CA10: variants seen among roughly 807,000 people sequenced by gnomAD.
The protein encoded by CA10 is carbonic anhydrase 10 (inactive).
Under a neutral mutation model 44.2 loss-of-function variants are expected in CA10, and 14 were observed. The observed-to-expected ratio is 0.32, with a 90% CI of 0.21 to 0.50. The LOEUF (loss-of-function observed/expected upper bound fraction) is 0.50. CA10 is among the 20% of genes least tolerant of loss of function. The pLI is 0.99. For missense variants in CA10, 350 were observed against 409.7 expected (o/e 0.85, Z 1.26); for synonymous variants, 159 against 141.6 (o/e 1.12, Z -0.87).
chr17:51,881,785 G>T (rs1245171324), intron 3 of CA10, among the ~76,000 whole-genome samples: 1 of 152,160 alleles, frequency 6.6e-6, no homozygotes, highest in Admixed American at 6.5e-5. Context: ...AAGCTGTGTG[G>T]GAGGTGGGTA....
chr17:51,920,373 G>A (rs939510612), intron 3 of CA10, among the ~76,000 whole-genome samples: 1 of 151,992 alleles, frequency 6.6e-6, no homozygotes. Flanking sequence ...GAAAGGGAGG[G>A]AGGAGGTTGG....
chr17:51,714,855 G>A (rs1916048811), intron 4 of CA10, among the ~76,000 whole-genome samples: 1 of 152,152 alleles, frequency 6.6e-6, no homozygotes, highest in Non-Finnish European at 1.5e-5. Context: ...CTTCACATTC[G>A]TGATTCGGCT....
chr17:51,747,607 C>T lies in CA10; in HGVS notation c.465+26G>A. 4 of 1,579,290 alleles carry T rather than the reference C, an allele frequency of 2.5e-6. No individual in the cohort carries two copies. In the East Asian group the frequency reaches 9.0e-5, roughly 35 times the overall value. On this transcript the variant is annotated intron_variant, in intron 4 of 8. Transcript: ENST00000451037. ...CCAATCTTATAAGTTGACATTTAAC[C>T]TTAGTACTTTGACAGACTAACATAC...
intron 1 of CA10, among the ~76,000 whole-genome samples, chr17:52,079,513 A>T (rs1987909683): frequency 6.6e-6 from 1 of 152,106 alleles, no homozygotes; most frequent in Non-Finnish European, 1.5e-5. Flanking sequence ...AATAAGTGCC[A>T]GAAAAATATT....
At chr17:52,053,541 TA>T (rs1285230022) in intron 2 of CA10, among the ~76,000 whole-genome samples, 1 of 152,096 alleles carries the variant, frequency 6.6e-6, no homozygotes, top group Admixed American at 6.6e-5. Context: ...AATTAAGATA[TA>T]ATTGTCAAAA....
Position 52,147,011 on chromosome 17 carries a change from G to A in CA10, c.61+10715C>T, listed in dbSNP as rs576544851. On this transcript the variant is annotated intron_variant, in intron 1 of 8. Transcript: ENST00000451037. ...TTGGACAATTAATGCAAAGAAGTAA[G>A]CCTCCATTGTGTTATGTCACTGAGA... 2.6e-3 allele frequency among the ~76,000 whole-genome samples: 399 copies of A among 152,232 alleles called. 2 individuals are homozygous for A. The highest frequency in any genetic ancestry group is 8.8e-3 in the African/African-American group (366 of 41,530).
chr17:52,055,232 T>C (rs1709247317), intron 2 of CA10, among the ~76,000 whole-genome samples: 1 of 151,942 alleles, frequency 6.6e-6, no homozygotes, highest in African/African-American at 2.4e-5. Context: ...AAGGTAATTT[T>C]GACACTAGAA....
At chr17:51,925,539 C>G (rs989378760) in intron 3 of CA10, among the ~76,000 whole-genome samples, 14 of 151,906 alleles carry the variant, frequency 9.2e-5, no homozygotes, top group African/African-American at 3.4e-4. Flanking sequence ...GTGTGACAAA[C>G]CTCAAAAAGT....
intron 2 of CA10, among the ~76,000 whole-genome samples, chr17:51,960,244 A>G (rs576895757): frequency 6.6e-6 from 1 of 152,206 alleles, no homozygotes; most frequent in South Asian, 2.1e-4. Context: ...AGAAAACACA[A>G]ATAAAAAAAT....
intron 3 of CA10, among the ~76,000 whole-genome samples, chr17:51,900,727 T>C (rs949310204): frequency 2.0e-5 from 3 of 152,174 alleles, no homozygotes; most frequent in Non-Finnish European, 1.5e-5. Context: ...CATTTTTTTC[T>C]TTATTTTTGT....
chr17:51,977,876 A>G (rs1406582966), intron 2 of CA10, among the ~76,000 whole-genome samples: 1 of 152,148 alleles, frequency 6.6e-6, no homozygotes, highest in Non-Finnish European at 1.5e-5. Context: ...TTCGGATTCT[A>G]TATACCGGCA....
chr17:52,103,434 C>T (rs1988587081), intron 1 of CA10, among the ~76,000 whole-genome samples: 1 of 152,188 alleles, frequency 6.6e-6, no homozygotes, highest in African/African-American at 2.4e-5. Context: ...TATACCATTG[C>T]TTGTCACCTG....
chr17:51,786,976 C>A (rs2143689384), intron 3 of CA10, among the ~76,000 whole-genome samples: 1 of 152,178 alleles, frequency 6.6e-6, no homozygotes, highest in Admixed American at 6.5e-5. Context: ...ATGTATTATA[C>A]TGATTGATTT....
At chr17:51,645,967 C>CA (rs1913316121) in intron 6 of CA10, among the ~76,000 whole-genome samples, 1 of 152,120 alleles carries the variant, frequency 6.6e-6, no homozygotes, top group African/African-American at 2.4e-5. Context: ...TTCCCTCTAC[C>CA]ATGAGAACTA....
intron 2 of CA10, among the ~76,000 whole-genome samples, chr17:51,958,108 T>C (rs1228949996): frequency 1.3e-5 from 2 of 152,088 alleles, no homozygotes; most frequent in Non-Finnish European, 2.9e-5. Context: ...TGCTAACATA[T>C]AGTAAGTGTT....
chr17:51,967,335 T>TAC (rs1490713601), intron 2 of CA10, among the ~76,000 whole-genome samples: 1 of 149,456 alleles, frequency 6.7e-6, no homozygotes, highest in Non-Finnish European at 1.5e-5. Flanking sequence ...TTACTGGAGA[T>TAC]ATATATATAT....
At chr17:51,881,082 A>T (rs1472351033) in intron 3 of CA10, among the ~76,000 whole-genome samples, 1 of 150,644 alleles carries the variant, frequency 6.6e-6, no homozygotes, top group East Asian at 1.9e-4. Context: ...CTAAAAATTA[A>T]AAAAAAAATT....
intron 4 of CA10, among the ~76,000 whole-genome samples, chr17:51,700,898 C>G (rs1490033424): frequency 6.6e-6 from 1 of 152,060 alleles, no homozygotes; most frequent in Non-Finnish European, 1.5e-5. Flanking sequence ...AGGGAAACCA[C>G]ACACCCCGGG....
chr17:51,653,730 G>A lies in CA10; in HGVS notation c.472C>T (p.Leu158Phe). 6.3e-7 allele frequency: 1 copy of A among 1,598,114 alleles called. No individual in the cohort carries two copies. Among genetic ancestry groups the A allele is most frequent in the Non-Finnish European group, 8.6e-7 (1 of 1,165,490 alleles). The change falls in exon 5 of 9, where the codon CTC becomes TTC. Residue 158 changes from leucine to phenylalanine, a missense_variant. By Grantham distance (22) the Leu-to-Phe change is conservative. Coordinates refer to ENST00000451037, the MANE Select transcript of CA10 (RefSeq NM_020178.5). ...TATAGCTCATGGTTATAGTGGATGA[G>A]CTGCACCTGGCAGGAGGGAAAAACA... Reference protein sequence around the residue: ...NGQAFSGEVQLIHYNHELYTN... With the variant: ...NGQAFSGEVQFIHYNHELYTN...
Sources: allele counts gnomAD v4.1 joint callset (sites outside exome capture counted in the v4.1 genomes callset), GRCh38; gene constraint gnomAD v4.1.1; transcripts MANE v1.5; gene names NCBI Gene and HGNC (gene_info 2026-07-23, HGNC 2026-07-21).